PLXNA4: variants seen among roughly 807,000 people sequenced by gnomAD.
PLXNA4 encodes plexin-A4.
Under a neutral mutation model 191.8 loss-of-function variants are expected in PLXNA4, and 44 were observed. That is an observed-to-expected ratio of 0.23 (90% confidence interval 0.18 to 0.29). The LOEUF is 0.29. Ranked by LOEUF, PLXNA4 falls within the 10% of genes least tolerant of loss-of-function variation. The probability of loss-of-function intolerance (pLI) is 1.00; values close to 1 mark genes in which losing one functional copy is unlikely to be tolerated. For missense variants in PLXNA4, 1,800 were observed against 2,488.8 expected, an observed-to-expected ratio of 0.72 and a Z score of 5.89; for synonymous variants, 1,082 against 1,009.5, an observed-to-expected ratio of 1.07 and a Z score of -1.36.
intron 3 of PLXNA4, among the ~76,000 whole-genome samples, chr7:132,372,367 C>T (rs1804476467): frequency 6.6e-6 from 1 of 152,262 alleles, no homozygotes; most frequent in East Asian, 1.9e-4. Flanking sequence ...ACAGATCACA[C>T]ACGTGGCGTG....
intron 2 of PLXNA4, among the ~76,000 whole-genome samples, chr7:132,640,568 G>A (rs1242963659): frequency 2.0e-5 from 3 of 152,214 alleles, no homozygotes; most frequent in Non-Finnish European, 2.9e-5. Flanking sequence ...CCATCTGCAA[G>A]CAAGAAAGAG....
At chr7:132,232,160 A>T (rs1193694617) in intron 5 of PLXNA4, among the ~76,000 whole-genome samples, 1 of 152,146 alleles carries the variant, frequency 6.6e-6, no homozygotes, top group Non-Finnish European at 1.5e-5. Flanking sequence ...TAGATCTGGG[A>T]ACCAGAGCAA....
chr7:132,385,021 G>T, intron 3 of PLXNA4: 2 of 1,431,396 alleles, frequency 1.4e-6, no homozygotes, highest in Non-Finnish European at 1.8e-6. Flanking sequence ...GCTAAGCAGA[G>T]ACACATTCTC....
Position 132,568,535 on chromosome 7 carries a change from T to A in PLXNA4, c.-87+7887A>T, listed in dbSNP as rs139368270. Among the ~76,000 whole-genome samples the A allele has an allele frequency of 3.2e-3, 490 of 152,322 alleles. 4 individuals carry two copies. Among genetic ancestry groups the A allele is most frequent in the African/African-American group, 0.011 (476 of 41,566 alleles). On this transcript the variant is annotated intron_variant, in intron 1 of 31. Transcript: ENST00000321063. ...ACCATTATCCCAGACTCCCAATTTA[T>A]GTATCTGCCCAAATCTGCTGAGTCC...
intron 28 of PLXNA4, among the ~76,000 whole-genome samples, chr7:132,145,915 CAAAAAAAAAAA>C (rs397778925): frequency 2.2e-5 from 2 of 92,400 alleles, no homozygotes; most frequent in South Asian, 4.2e-4. Context: ...ACTAAAAATA[CAAAAAAAAAAA>C]AAAAAAAAAA....
In PLXNA4 at chr7:132,576,133, G is replaced by T. The variant is rs918951384; in HGVS notation, c.-87+289C>A. ...CCGGGAATACACAGAATCCCACCCC[G>T]AAAGTCCCGGGAAAGAGAAGTCTGA... On this transcript the variant is annotated intron_variant, in intron 1 of 31. Coordinates refer to ENST00000321063, the MANE Select transcript of PLXNA4 (RefSeq NM_020911.2). The surrounding 1 kb of genome is among the most constrained non-coding windows in gnomAD (Gnocchi z 5.8). Among the ~76,000 whole-genome samples the T allele has an allele frequency of 1.3e-5, 2 of 152,174 alleles. No individual in the cohort carries two copies. The highest frequency in any genetic ancestry group is 2.9e-5 in the Non-Finnish European group (2 of 68,028).
At chr7:132,259,468 AAAAAAGAAAAAAGG>A (rs1799553584) in intron 4 of PLXNA4, among the ~76,000 whole-genome samples, 1 of 138,244 alleles carries the variant, frequency 7.2e-6, no homozygotes, top group African/African-American at 2.8e-5. Flanking sequence ...AAAAAAAAAA[AAAAAAGAAAAAAGG>A]AAAAAAGAAA....
intron 27 of PLXNA4, 129 bp downstream of exon 27, chr7:132,147,771 C>A: frequency 7.8e-7 from 1 of 1,276,238 alleles, no homozygotes. Context: ...GCTCTCTTCC[C>A]CGATGGTCAG....
intron 3 of PLXNA4, among the ~76,000 whole-genome samples, chr7:132,433,848 C>T (rs1396541226): frequency 1.3e-5 from 2 of 152,166 alleles, no homozygotes; most frequent in Non-Finnish European, 2.9e-5. Flanking sequence ...CCTCCATACC[C>T]TCATTCCATT....
intron 1 of PLXNA4, among the ~76,000 whole-genome samples, chr7:132,523,745 G>A (rs370837265): frequency 6.6e-6 from 1 of 152,260 alleles, no homozygotes; most frequent in East Asian, 1.9e-4. Flanking sequence ...GAGACTGGTT[G>A]CTCCAGCAGG....
At chr7:132,453,815 T>G (rs1796217377) in intron 3 of PLXNA4, among the ~76,000 whole-genome samples, 1 of 152,186 alleles carries the variant, frequency 6.6e-6, no homozygotes, top group Non-Finnish European at 1.5e-5. Flanking sequence ...GCTGGGATTA[T>G]AGGCGTGAGC....
intron 5 of PLXNA4, among the ~76,000 whole-genome samples, chr7:132,234,596 TTGTGTGTGTG>T (rs60249306): frequency 6.9e-5 from 10 of 144,256 alleles, no homozygotes; most frequent in South Asian, 4.7e-4. Flanking sequence ...AGCATGTGTT[TTGTGTGTGTG>T]TGTGTGTGTG....
chr7:132,325,460 T>A (rs1360482240), intron 3 of PLXNA4, among the ~76,000 whole-genome samples: 2 of 152,210 alleles, frequency 1.3e-5, no homozygotes, highest in Non-Finnish European at 2.9e-5. Context: ...TACCTGTGAA[T>A]GTGACTTTAC....
At chr7:132,623,088 T>A (rs1803301532) in intron 2 of PLXNA4, among the ~76,000 whole-genome samples, 1 of 152,160 alleles carries the variant, frequency 6.6e-6, no homozygotes, top group Non-Finnish European at 1.5e-5. Flanking sequence ...CTCACAGCTG[T>A]AATCCCAGCA....
At chr7:132,154,434 A>G (rs1426187052) in intron 25 of PLXNA4, among the ~76,000 whole-genome samples, 1 of 146,420 alleles carries the variant, frequency 6.8e-6, no homozygotes, top group African/African-American at 2.5e-5. Context: ...TTTTTTAATT[A>G]TTGTGACAGC....
At chr7:132,604,384 G>T (rs771000748) in intron 2 of PLXNA4, among the ~76,000 whole-genome samples, 1 of 152,186 alleles carries the variant, frequency 6.6e-6, no homozygotes, top group Admixed American at 6.5e-5. Context: ...ACAGGAGACA[G>T]GGTAGATATC....
chr7:132,553,162 C>T (rs74897499), intron 1 of PLXNA4, among the ~76,000 whole-genome samples: 1 of 152,202 alleles, frequency 6.6e-6, no homozygotes, highest in Non-Finnish European at 1.5e-5. Context: ...AGAAGCCTTG[C>T]AGATGCGTCC....
At chr7:132,239,950 T>C (rs1798822229) in intron 5 of PLXNA4, among the ~76,000 whole-genome samples, 1 of 152,184 alleles carries the variant, frequency 6.6e-6, no homozygotes, top group South Asian at 2.1e-4. Flanking sequence ...AAGGACTCAC[T>C]ATGCCTGAGA....
chr7:132,414,280 C>G (rs994388977), intron 3 of PLXNA4, among the ~76,000 whole-genome samples: 1 of 152,198 alleles, frequency 6.6e-6, no homozygotes, highest in Non-Finnish European at 1.5e-5. Context: ...CTTCCAGGTC[C>G]TGGTTCTGGG....
Sources: gnomAD v4.1 joint callset for allele counts (sites outside exome capture counted in the v4.1 genomes callset) on GRCh38, gnomAD v4.1.1 for gene constraint, Gnocchi (gnomAD v3.1) non-coding constraint, MANE v1.5 for transcripts, NCBI Gene and HGNC (gene_info 2026-07-23, HGNC 2026-07-21) for gene names.